Variants in TMX1 observed in about 807,000 individuals in gnomAD.
TMX1 encodes thioredoxin related transmembrane protein 1, also known as thioredoxin-related transmembrane protein 1.
A neutral mutation model predicts 36.6 loss-of-function variants in TMX1; 25 were observed. The observed-to-expected ratio is 0.68, with a 90% CI of 0.50 to 0.95. The LOEUF is 0.95. TMX1 is among the 40% of genes least tolerant of loss of function. The pLI is 0.00. For missense variants in TMX1, 347 were observed against 339.6 expected (o/e 1.02, Z -0.17); for synonymous variants, 133 against 118.0 (o/e 1.13, Z -0.82).
Position 51,247,168 on chromosome 14 carries a change from G to T in TMX1, c.391G>T (p.Glu131Ter). The change falls in exon 4 of 8, where the codon GAG becomes TAG. Residue 131 changes from glutamate to a stop codon, truncating the protein, a stop_gained. Coordinates refer to ENST00000457354, the MANE Select transcript of TMX1 (RefSeq NM_030755.5). LOFTEE classifies it high-confidence loss of function. The part of the protein sequence containing the change: ...KDFINFISDK[E>*]WKSIEPVSSW... ...CTTCATAAACTTTATAAGTGATAAAGAGTGGAAGAGTATTGAGCCCGTTTC... is the reference window on the plus strand; with the variant it reads ...CTTCATAAACTTTATAAGTGATAAATAGTGGAAGAGTATTGAGCCCGTTTC... The T allele has an allele frequency of 6.2e-7, 1 of 1,613,436 alleles. No individual in the cohort carries two copies. Among genetic ancestry groups the T allele is most frequent in the Non-Finnish European group, 8.5e-7 (1 of 1,179,746 alleles).
rs776550971 is a variant in TMX1 at position 51,249,449 on chromosome 14, T to A, written c.490-19T>A. The stretch of plus-strand genomic sequence containing the variant: ...AAAAATGAACAGATTTTTAGTTTTT[T>A]TTTTTCTTTTGATTTTAGACTTGCC... On this transcript the variant is annotated intron_variant, in intron 5 of 7. Transcript: ENST00000457354. 1.9e-6 allele frequency: 3 copies of A among 1,586,942 alleles called. No homozygotes were observed. The highest frequency in any genetic ancestry group is 4.5e-5 in the East Asian group (2 of 44,738).
At chr14:51,247,579 G>A (rs964067928) in intron 4 of TMX1, among the ~76,000 whole-genome samples, 2 of 151,990 alleles carry the variant, frequency 1.3e-5, no homozygotes, top group Admixed American at 6.6e-5. Context: ...GGATGGTCTT[G>A]ATCTCCTGAC....
rs2065838200 is a variant in TMX1 at position 51,256,303 on chromosome 14, A to T, written c.*1784A>T. ...ATATGTGACCAGAAAGATTCTATAG[A>T]GTAAAAAATCAAAGCAAAACAAAAA... is the stretch of plus-strand genomic sequence containing the variant. On this transcript the variant is annotated 3_prime_UTR_variant, in exon 8 of 8. Transcript: ENST00000457354. 1.3e-5 allele frequency: 2 copies of T among 152,044 alleles called. No homozygotes were observed. Among genetic ancestry groups the T allele is most frequent in the Admixed American group, 1.3e-4 (2 of 15,262 alleles). 9.4% of individuals were successfully genotyped at this position (152,044 alleles called of 1,614,324 possible). A position where few individuals can be genotyped will look rare whatever the true frequency, so the allele number is the denominator to read the frequency against.
Position 51,247,124 on chromosome 14 carries a change from G to A in TMX1, c.347G>A (p.Gly116Asp), listed in dbSNP as rs1382644658. Reference protein sequence around the residue: ...CKDGEFRRYQGPRTKKDFINF... With the variant: ...CKDGEFRRYQDPRTKKDFINF... ...GATGGTGAATTTAGGCGCTATCAGGGTCCAAGGACTAAGAAGGACTTCATA... is the reference window on the plus strand; with the variant it reads ...GATGGTGAATTTAGGCGCTATCAGGATCCAAGGACTAAGAAGGACTTCATA... Residue 116 changes from glycine (G) to aspartate (D), a missense_variant, in exon 4 of 8, where the codon GGT (glycine) becomes GAT (aspartate). Coordinates refer to ENST00000457354, the MANE Select transcript of TMX1 (RefSeq NM_030755.5). 1 of 1,611,978 alleles carries A rather than the reference G, an allele frequency of 6.2e-7. No individual in the cohort carries two copies. The highest frequency in any genetic ancestry group is 8.5e-7 in the Non-Finnish European group (1 of 1,179,486).
intron 7 of TMX1, among the ~76,000 whole-genome samples, chr14:51,251,490 CAT>C (rs2065813237): frequency 6.6e-6 from 1 of 152,130 alleles, no homozygotes; most frequent in Non-Finnish European, 1.5e-5. Context: ...TCACATAAAT[CAT>C]ATGGCCGTCA....
rs1222356415 is a variant in TMX1, at chr14:51,257,573, C to T, written c.*3054C>T. The T allele has an allele frequency of 6.6e-6, 1 of 152,082 alleles. No individual in the cohort carries two copies. Among genetic ancestry groups the T allele is most frequent in the Non-Finnish European group, 1.5e-5 (1 of 68,018 alleles). 9.4% of individuals were successfully genotyped at this position (152,082 alleles called of 1,614,324 possible). Reference sequence around the variant, plus strand: ...TGGAGATTTAGATATGTTGGTACTGCTTATCTAGCAACTTTTGTATTTGTG... The same window carrying T: ...TGGAGATTTAGATATGTTGGTACTGTTTATCTAGCAACTTTTGTATTTGTG... On this transcript the variant is annotated 3_prime_UTR_variant, in exon 8 of 8. Transcript: ENST00000457354.
At chr14:51,248,080 C>T (rs1039671387) in intron 4 of TMX1, among the ~76,000 whole-genome samples, 11 of 152,272 alleles carry the variant, frequency 7.2e-5, no homozygotes, top group East Asian at 1.9e-4. Flanking sequence ...AAACGGTGAC[C>T]GTAATAGTGT....
At chr14:51,249,092 G>A (rs1339640097) in intron 4 of TMX1, among the ~76,000 whole-genome samples, 2 of 151,934 alleles carry the variant, frequency 1.3e-5, no homozygotes, top group Admixed American at 6.6e-5. Context: ...TGGGAGAAAA[G>A]GAAAAAAATA....
chr14:51,245,629 CATT>C, intron 3 of TMX1: 1 of 610,074 alleles, frequency 1.6e-6, no homozygotes, highest in Non-Finnish European at 2.6e-6. Flanking sequence ...CGTGTTAAGT[CATT>C]ATGCATCCAA....
rs1451687928 is a variant in TMX1, at chr14:51,249,376, G to A, written c.489+5G>A. 6.2e-7 allele frequency: 1 copy of A among 1,604,128 alleles called. No homozygotes were observed. The highest frequency in any genetic ancestry group is 1.4e-5 in the African/African-American group (1 of 73,992). ...CAGCTATCTATGTGGATCAGGGTAT[G>A]GACTAAAATATTTTTATCTTAAACA... On this transcript the variant is annotated splice_donor_5th_base_variant and intron_variant, in intron 5 of 7. Coordinates refer to ENST00000457354, the MANE Select transcript of TMX1 (RefSeq NM_030755.5).
chr14:51,247,026 A>G, intron 3 of TMX1, 66 bp from the exon 4 acceptor site: 2 of 1,451,898 alleles, frequency 1.4e-6, no homozygotes, highest in East Asian at 4.7e-5. Context: ...TGAAGTGAAA[A>G]AATAGCAAAA....
intron 7 of TMX1, 55 bp downstream of exon 7, chr14:51,249,820 G>A: frequency 3.0e-6 from 4 of 1,346,278 alleles, no homozygotes; most frequent in East Asian, 2.4e-5. Context: ...ATTCATTTCT[G>A]TAATCACAAT....
intron 1 of TMX1, among the ~76,000 whole-genome samples, chr14:51,243,448 A>G (rs2065771330): frequency 6.6e-6 from 1 of 152,220 alleles, no homozygotes; most frequent in Admixed American, 6.5e-5. Flanking sequence ...TTTCTTATTC[A>G]CCACAGCCCA....
chr14:51,240,959 T>A (rs1320650630), intron 1 of TMX1, among the ~76,000 whole-genome samples: 5 of 152,194 alleles, frequency 3.3e-5, no homozygotes, highest in Non-Finnish European at 7.3e-5. Flanking sequence ...GGTACGTTTC[T>A]TTTTTATTGT....
In TMX1 at chr14:51,257,559, A is replaced by C. The variant is rs1435263363; in HGVS notation, c.*3040A>C. The C allele has an allele frequency of 6.6e-6, 1 of 152,176 alleles. No homozygotes were observed. Among genetic ancestry groups the C allele is most frequent in the Non-Finnish European group, 1.5e-5 (1 of 68,030 alleles). The allele number at this position is 152,176 out of a possible 1,614,324, so 9.4% of individuals were successfully genotyped here. A position where few individuals can be genotyped will look rare whatever the true frequency, so the allele number is the denominator to read the frequency against. ...TAATTGAACATCATTGGAGATTTAG[A>C]TATGTTGGTACTGCTTATCTAGCAA... On this transcript the variant is annotated 3_prime_UTR_variant, in exon 8 of 8. Coordinates refer to ENST00000457354, the MANE Select transcript of TMX1 (RefSeq NM_030755.5).
intron 7 of TMX1, among the ~76,000 whole-genome samples, chr14:51,252,908 G>T (rs1278999512): frequency 6.6e-6 from 1 of 152,166 alleles, no homozygotes; most frequent in Non-Finnish European, 1.5e-5. Flanking sequence ...TCAATTCTCA[G>T]TTGAGTGTTT....
rs1334807513 is a variant in TMX1, at chr14:51,243,988, G to A, written c.268+17G>A. The A allele has an allele frequency of 6.3e-7, 1 of 1,581,024 alleles. No individual in the cohort carries two copies. The highest frequency in any genetic ancestry group is 8.6e-7 in the Non-Finnish European group (1 of 1,161,272). On this transcript the variant is annotated intron_variant, in intron 2 of 7. Coordinates refer to ENST00000457354, the MANE Select transcript of TMX1 (RefSeq NM_030755.5). ...AGCAGCCAGGTACTGTAAGTCTTTG[G>A]TTAGTTTTGTTTCTTTGCTGTTTGG...
At chr14:51,249,911 G>A in intron 7 of TMX1, 146 bp downstream of exon 7, 1 of 604,434 alleles carries the variant, frequency 1.7e-6, no homozygotes, top group South Asian at 2.5e-5. Flanking sequence ...CATAAAGGAA[G>A]GTAGAGGAGA....
chr14:51,247,487 G>C, intron 4 of TMX1, among the ~76,000 whole-genome samples: 1 of 150,776 alleles, frequency 6.6e-6, no homozygotes, highest in South Asian at 2.1e-4. Flanking sequence ...CTCCCGAGTA[G>C]CTGGGACTAC....
Sources: gnomAD v4.1 joint callset for allele counts (sites outside exome capture counted in the v4.1 genomes callset) on GRCh38, gnomAD v4.1.1 for gene constraint, MANE v1.5 for transcripts, NCBI Gene and HGNC (gene_info 2026-07-23, HGNC 2026-07-21) for gene names.